Variants in RUNX1 observed in about 807,000 individuals in gnomAD.
RUNX1 encodes the protein RUNX family transcription factor 1.
In RUNX1, 19 loss-of-function variants were observed where a neutral mutation model predicts 42.8. The observed-to-expected ratio is 0.44, with a 90% CI of 0.31 to 0.65. RUNX1 has a LOEUF of 0.65. RUNX1 is among the 30% of genes least tolerant of loss of function. The probability of loss-of-function intolerance (pLI) is 0.07; values close to 1 mark genes in which losing one functional copy is unlikely to be tolerated. For missense variants in RUNX1, 528 were observed against 672.0 expected, an observed-to-expected ratio of 0.79 and a Z score of 2.37; for synonymous variants, 271 against 289.4, an observed-to-expected ratio of 0.94 and a Z score of 0.64.
At chr21:35,022,832 T>C (rs1374982886) in intron 2 of RUNX1, among the ~76,000 whole-genome samples, 2 of 151,278 alleles carry the variant, frequency 1.3e-5, no homozygotes, top group African/African-American at 2.4e-5. Context: ...GAGGTGGAGG[T>C]TGCAGTGAGC....
In RUNX1 at chr21:34,954,773, G is replaced by A. The variant is rs142892781; in HGVS notation, c.59-61810C>T. Among the ~76,000 whole-genome samples the A allele has an allele frequency of 1.4e-3, 220 of 152,286 alleles. 1 individual carries two copies. Among genetic ancestry groups the A allele is most frequent in the Non-Finnish European group, 2.5e-3 (171 of 68,022 alleles). Reference sequence around the variant, plus strand: ...GCAGCCTGGGACCCTGAATCACTGCGTGGAAGAGATTCTCGCAGAGGAGAA... The same window carrying A: ...GCAGCCTGGGACCCTGAATCACTGCATGGAAGAGATTCTCGCAGAGGAGAA... On this transcript the variant is annotated intron_variant, in intron 2 of 8. Coordinates refer to ENST00000675419, the MANE Select transcript of RUNX1 (RefSeq NM_001754.5).
At position 34,888,885 on chromosome 21, in the gene RUNX1, C is replaced by T. The variant is rs370647484; in HGVS notation, c.98-1789G>A. ...CGCCGCCGCGCCGCGCGCTACTGTA[C>T]GCAGCCCGGGCGGGGAGTCGGAGGC... On this transcript the variant is annotated intron_variant, in intron 3 of 8. Coordinates refer to ENST00000675419, the MANE Select transcript of RUNX1 (RefSeq NM_001754.5). Among the ~76,000 whole-genome samples the T allele has an allele frequency of 4.6e-5, 7 of 151,800 alleles. No homozygotes were observed. In the East Asian group the frequency reaches 7.8e-4, roughly 17 times the overall value.
rs111411349 is a variant in RUNX1, at chr21:35,021,676, A to T, written c.58+27166T>A. On this transcript the variant is annotated intron_variant, in intron 2 of 8. Coordinates refer to ENST00000675419, the MANE Select transcript of RUNX1 (RefSeq NM_001754.5). ...CTGGGGTTTCTTCCAGAGCATGAGAAGTACCTGCAGGGACCTACCCAGCCA... is the reference window on the plus strand; with the variant it reads ...CTGGGGTTTCTTCCAGAGCATGAGATGTACCTGCAGGGACCTACCCAGCCA... Among the ~76,000 whole-genome samples, 694 of 152,298 alleles carry T rather than the reference A, an allele frequency of 4.6e-3. 2 individuals are homozygous for T. The highest frequency in any genetic ancestry group is 0.016 in the African/African-American group (650 of 41,550).
At chr21:34,835,574 A>T (rs1022349797) in intron 6 of RUNX1, among the ~76,000 whole-genome samples, 3 of 152,136 alleles carry the variant, frequency 2.0e-5, no homozygotes, top group African/African-American at 7.2e-5. Flanking sequence ...ATGTCCTTAA[A>T]CCAGAGCCAG....
intron 2 of RUNX1, among the ~76,000 whole-genome samples, chr21:34,894,880 AACAC>A (rs57230115): frequency 0.07 from 8,941 of 127,790 alleles, 301 homozygotes; most frequent in East Asian, 0.11. Context: ...CCTACATAGA[AACAC>A]ACACACACAC....
chr21:34,912,520 A>AT (rs1007571507), intron 2 of RUNX1, among the ~76,000 whole-genome samples: 10 of 152,108 alleles, frequency 6.6e-5, no homozygotes, highest in African/African-American at 2.4e-4. Context: ...GGTTATGCAA[A>AT]TATATGGTTT....
intron 5 of RUNX1, among the ~76,000 whole-genome samples, chr21:34,867,547 C>T (rs1051390023): frequency 6.6e-6 from 1 of 152,174 alleles, no homozygotes; most frequent in Non-Finnish European, 1.5e-5. Context: ...CACAGGTATG[C>T]TGGGCTCAAC....
intron 5 of RUNX1, among the ~76,000 whole-genome samples, chr21:34,872,176 T>A (rs1023950216): frequency 3.3e-5 from 5 of 152,192 alleles, no homozygotes; most frequent in African/African-American, 1.2e-4. Flanking sequence ...GTGGACACTG[T>A]CCACTGACAT....
In RUNX1 at chr21:34,791,793, C is replaced by A. The variant is rs1255304251; in HGVS notation, c.*342G>T. ...ATCTTTCTTTTTATTCACAGCATTGCTAAATCAGAAGCATTCACAGTTTCC... is the reference window on the plus strand; with the variant it reads ...ATCTTTCTTTTTATTCACAGCATTGATAAATCAGAAGCATTCACAGTTTCC... On this transcript the variant is annotated 3_prime_UTR_variant, in exon 9 of 9. Transcript: ENST00000675419. 4.4e-6 allele frequency: 1 copy of A among 228,016 alleles called. No individual in the cohort carries two copies. Among genetic ancestry groups the A allele is most frequent in the Non-Finnish European group, 8.7e-6 (1 of 114,482 alleles). 14.1% of individuals were successfully genotyped at this position (228,016 alleles called of 1,614,324 possible). A position where few individuals can be genotyped will look rare whatever the true frequency, so the allele number is the denominator to read the frequency against.
Position 34,849,314 on chromosome 21 carries a change from A to C in RUNX1, c.613+10160T>G, listed in dbSNP as rs1234312909. On this transcript the variant is annotated intron_variant, in intron 6 of 8. Coordinates refer to ENST00000675419, the MANE Select transcript of RUNX1 (RefSeq NM_001754.5). ...ATATATAAAATATATAATATATATT[A>C]TATATATATTATATATACTATATAT... Among the ~76,000 whole-genome samples, 2 of 37,588 alleles carry C rather than the reference A, an allele frequency of 5.3e-5. 1 individual carries two copies. The highest frequency in any genetic ancestry group is 2.7e-3 in the East Asian group (2 of 740). The allele number at this position is 37,588 out of a possible 152,430, so 24.7% of individuals were successfully genotyped here.
Position 34,892,916 on chromosome 21 carries a change from T to C in RUNX1, c.97+9A>G. 1 of 1,513,594 alleles carries C rather than the reference T, an allele frequency of 6.6e-7. No individual in the cohort carries two copies. Among genetic ancestry groups the C allele is most frequent in the South Asian group, 1.1e-5 (1 of 87,910 alleles). 93.8% of individuals were successfully genotyped at this position (1,513,594 alleles called of 1,614,324 possible). On this transcript the variant is annotated intron_variant, in intron 3 of 8. Coordinates refer to ENST00000675419, the MANE Select transcript of RUNX1 (RefSeq NM_001754.5). Reference sequence around the variant, plus strand: ...TTTATTTAAAAATATAACTTGGAATTTAACATACCGTGGACGTCTCTAGAA... The same window carrying C: ...TTTATTTAAAAATATAACTTGGAATCTAACATACCGTGGACGTCTCTAGAA...
intron 6 of RUNX1, among the ~76,000 whole-genome samples, chr21:34,858,524 C>G (rs1183645747): frequency 2.0e-5 from 3 of 152,260 alleles, no homozygotes; most frequent in African/African-American, 7.2e-5. Flanking sequence ...AAGAATTCCA[C>G]TGGCTTGCCC....
At chr21:35,009,848 C>CT (rs2059112781) in intron 2 of RUNX1, among the ~76,000 whole-genome samples, 1 of 152,114 alleles carries the variant, frequency 6.6e-6, no homozygotes, top group Non-Finnish European at 1.5e-5. Context: ...AAACATGGAG[C>CT]TTGGGCCTAA....
intron 2 of RUNX1, among the ~76,000 whole-genome samples, chr21:34,944,248 A>C (rs892362761): frequency 1.6e-4 from 24 of 152,172 alleles, no homozygotes; most frequent in African/African-American, 5.8e-4. Flanking sequence ...GGACTCAAGC[A>C]GTCCTCCAGC....
At chr21:35,017,385 G>T (rs936798165) in intron 2 of RUNX1, among the ~76,000 whole-genome samples, 2 of 152,172 alleles carry the variant, frequency 1.3e-5, no homozygotes, top group Non-Finnish European at 2.9e-5. Flanking sequence ...GTGCCGAAAG[G>T]AGAGTGGGGG....
At position 34,791,254 on chromosome 21, in the gene RUNX1, T is replaced by G; in HGVS notation, c.*881A>C. The G allele has an allele frequency of 4.3e-6, 1 of 233,052 alleles. No homozygotes were observed. 14.4% of individuals were successfully genotyped at this position (233,052 alleles called of 1,614,324 possible). On this transcript the variant is annotated 3_prime_UTR_variant, in exon 9 of 9. Coordinates refer to ENST00000675419, the MANE Select transcript of RUNX1 (RefSeq NM_001754.5). ...CCTTCTTCAATGTGATACATTTAAC[T>G]TTGGCTACTATCAAGAACAAAAGAA...
chr21:34,799,896 G>A (rs1487477530), intron 7 of RUNX1, among the ~76,000 whole-genome samples: 3 of 152,106 alleles, frequency 2.0e-5, no homozygotes, highest in Non-Finnish European at 4.4e-5. Flanking sequence ...GTCTGTGTTC[G>A]GTAAGAACGT....
intron 2 of RUNX1, among the ~76,000 whole-genome samples, chr21:34,899,444 C>T (rs568585013): frequency 4.6e-5 from 7 of 152,184 alleles, no homozygotes; most frequent in Admixed American, 2.0e-4. Context: ...CTCCCTCCAC[C>T]GAACCCAATC....
At chr21:34,977,261 G>A (rs995812503) in intron 2 of RUNX1, among the ~76,000 whole-genome samples, 1 of 152,178 alleles carries the variant, frequency 6.6e-6, no homozygotes, top group East Asian at 1.9e-4. Flanking sequence ...CCCAAAGATC[G>A]ATGGCTCATC....
Sources: allele counts gnomAD v4.1 joint callset (sites outside exome capture counted in the v4.1 genomes callset), GRCh38; gene constraint gnomAD v4.1.1; transcripts MANE v1.5; gene names NCBI Gene and HGNC (gene_info 2026-07-23, HGNC 2026-07-21).